Variants in PARP8 observed in about 807,000 individuals in gnomAD.
PARP8 encodes protein mono-ADP-ribosyltransferase PARP8.
In PARP8, 51 loss-of-function variants were observed where a neutral mutation model predicts 124.1. The ratio of observed to expected loss-of-function variants is 0.41; its 90% confidence interval spans 0.33 to 0.52. PARP8 has a LOEUF of 0.52. PARP8 is among the 20% of genes least tolerant of loss of function. The pLI is 0.21. For synonymous variants in PARP8, 391 were observed against 361.5 expected (o/e 1.08, Z -0.93); for missense variants, 860 against 1,018.9 (o/e 0.84, Z 2.12).
chr5:50,817,966 TA>T (rs1258195257), intron 15 of PARP8, among the ~76,000 whole-genome samples: 1 of 152,178 alleles, frequency 6.6e-6, no homozygotes, highest in East Asian at 1.9e-4. Flanking sequence ...TCAAATGTCC[TA>T]ATTTTTCTTG....
At chr5:50,698,824 A>G (rs950121671) in intron 2 of PARP8, among the ~76,000 whole-genome samples, 29 of 152,194 alleles carry the variant, frequency 1.9e-4, no homozygotes, top group African/African-American at 6.8e-4. Context: ...TGTTTAATAA[A>G]CTATGCCAGC....
At position 50,794,767 on chromosome 5, in the gene PARP8, A is replaced by G. The variant is rs901752081; in HGVS notation, c.864-86A>G. 13 of 1,192,520 alleles carry G rather than the reference A, an allele frequency of 1.1e-5. No individual in the cohort carries two copies. The African/African-American group carries it at 2.0e-4, about 18-fold the overall frequency. 73.9% of individuals were successfully genotyped at this position (1,192,520 alleles called of 1,614,324 possible). ...ATGAGGTGGTAGAATATTTATTAGC[A>G]CAGTCGAGTTTGAGCATGACAAGCT... On this transcript the variant is annotated intron_variant, in intron 11 of 25. Transcript: ENST00000281631.
intron 7 of PARP8, among the ~76,000 whole-genome samples, chr5:50,775,126 CAG>C (rs956634044): frequency 1.7e-4 from 26 of 152,074 alleles, no homozygotes; most frequent in African/African-American, 5.3e-4. Context: ...GGCGGCCAGG[CAG>C]AGACACTCCT....
rs1245462050 is a variant in PARP8, at chr5:50,678,875, A to G, written c.146+10750A>G. On this transcript the variant is annotated intron_variant, in intron 2 of 25. Coordinates refer to ENST00000281631, the MANE Select transcript of PARP8 (RefSeq NM_024615.4). ...ACAGAAGTCAGTGTTTGTTATTACTATTCATAGCATTAGCCCAATTCTTGT... is the reference window on the plus strand; with the variant it reads ...ACAGAAGTCAGTGTTTGTTATTACTGTTCATAGCATTAGCCCAATTCTTGT... 2.6e-5 allele frequency among the ~76,000 whole-genome samples: 4 copies of G among 152,290 alleles called. 1 individual carries two copies. In the Middle Eastern group the frequency reaches 0.01, roughly 388 times the overall value.
At position 50,797,231 on chromosome 5, in the gene PARP8, A is replaced by G; in HGVS notation, c.1573A>G (p.Arg525Gly). The change falls in exon 14 of 26, where the codon AGG (arginine) becomes GGG (glycine). Residue 525 changes from arginine (R) to glycine (G), a missense_variant and splice_region_variant. By Grantham distance (125) the Arg-to-Gly change is moderately radical. Around this residue, in one of 2 missense-constraint regions of PARP8, gnomAD observed 343 missense variants for 474.7 expected, o/e 0.72. Transcript: ENST00000281631. ...PHVFQNGPMLRPTVCERELCV... is the reference protein window; with the variant it reads ...PHVFQNGPMLGPTVCERELCV... Reference sequence around the variant, plus strand: ...TGTGTTTCAAAATGGCCCTATGCTTAGGGTAAGTTCTTGCTGATAGAATGT... The same window carrying G: ...TGTGTTTCAAAATGGCCCTATGCTTGGGGTAAGTTCTTGCTGATAGAATGT... The G allele has an allele frequency of 6.3e-7, 1 of 1,599,576 alleles. No homozygotes were observed. Among genetic ancestry groups the G allele is most frequent in the Non-Finnish European group, 8.6e-7 (1 of 1,169,400 alleles).
chr5:50,733,835 T>C (rs1392232524), intron 2 of PARP8, among the ~76,000 whole-genome samples: 1 of 152,216 alleles, frequency 6.6e-6, no homozygotes, highest in Non-Finnish European at 1.5e-5. Context: ...TTCTTACAGA[T>C]CTGGTTCCCC....
intron 3 of PARP8, among the ~76,000 whole-genome samples, chr5:50,756,642 CAAA>C (rs1759992061): frequency 6.6e-6 from 1 of 151,990 alleles, no homozygotes; most frequent in Non-Finnish European, 1.5e-5. Context: ...ATTTAATTGT[CAAA>C]TAAAGCTTGA....
intron 14 of PARP8, among the ~76,000 whole-genome samples, chr5:50,799,933 T>C (rs141443117): frequency 1.1e-3 from 172 of 152,354 alleles, no homozygotes; most frequent in South Asian, 1.0e-3. Context: ...TCTCCTGACA[T>C]CTTTATCTTC....
chr5:50,731,969 A>G (rs1030292501), intron 2 of PARP8, among the ~76,000 whole-genome samples: 2 of 152,174 alleles, frequency 1.3e-5, no homozygotes, highest in African/African-American at 4.8e-5. Flanking sequence ...CGGATATATT[A>G]TTGTTTTTAA....
chr5:50,817,369 A>G (rs113669896), intron 15 of PARP8, among the ~76,000 whole-genome samples: 4 of 152,296 alleles, frequency 2.6e-5, no homozygotes, highest in African/African-American at 9.6e-5. Flanking sequence ...TTCATACTTT[A>G]TTTCTTAAAA....
intron 2 of PARP8, among the ~76,000 whole-genome samples, chr5:50,717,958 T>C (rs186621532): frequency 4.6e-5 from 7 of 151,706 alleles, no homozygotes; most frequent in Non-Finnish European, 1.0e-4. Context: ...AAATGGAAAC[T>C]AAAAAAATGG....
At chr5:50,826,292 T>C (rs1746343305) in intron 18 of PARP8, among the ~76,000 whole-genome samples, 1 of 152,046 alleles carries the variant, frequency 6.6e-6, no homozygotes, top group Non-Finnish European at 1.5e-5. Context: ...ATGTAAACCA[T>C]TGTATATATA....
chr5:50,708,930 T>TG, intron 2 of PARP8, among the ~76,000 whole-genome samples: 1 of 151,432 alleles, frequency 6.6e-6, no homozygotes, highest in East Asian at 2.0e-4. Flanking sequence ...TACAGGCACT[T>TG]GCCACCATGC....
chr5:50,698,958 A>C (rs1473443128), intron 2 of PARP8, among the ~76,000 whole-genome samples: 1 of 152,206 alleles, frequency 6.6e-6, no homozygotes, highest in Non-Finnish European at 1.5e-5. Context: ...CAAAAAAGAA[A>C]AGTTTATTTT....
intron 3 of PARP8, among the ~76,000 whole-genome samples, chr5:50,750,839 CTA>C (rs1446956627): frequency 6.6e-6 from 1 of 152,078 alleles, no homozygotes; most frequent in Non-Finnish European, 1.5e-5. Context: ...TTCATTAAGG[CTA>C]TGCCTATTTT....
rs189191194 is a variant in PARP8 at position 50,719,363 on chromosome 5, A to G, written c.147-30788A>G. 9.9e-5 allele frequency among the ~76,000 whole-genome samples: 15 copies of G among 152,034 alleles called. No homozygotes were observed. The East Asian group carries it at 2.5e-3, about 26-fold the overall frequency. On this transcript the variant is annotated intron_variant, in intron 2 of 25. Transcript: ENST00000281631. Reference sequence around the variant, plus strand: ...CCATTTATTCACTTTTGCTTTGGTTACCTATGCTTTTGATGTCTTACTTAA... The same window carrying G: ...CCATTTATTCACTTTTGCTTTGGTTGCCTATGCTTTTGATGTCTTACTTAA...
chr5:50,747,063 T>A (rs1758617285), intron 2 of PARP8, among the ~76,000 whole-genome samples: 1 of 152,026 alleles, frequency 6.6e-6, no homozygotes, highest in South Asian at 2.1e-4. Flanking sequence ...AAAATTTGCT[T>A]TATGAAATAA....
intron 2 of PARP8, among the ~76,000 whole-genome samples, chr5:50,715,673 T>C (rs1260220656): frequency 6.6e-6 from 1 of 152,058 alleles, no homozygotes; most frequent in African/African-American, 2.4e-5. Context: ...AACAGGTAAA[T>C]ATTGAGAGAA....
intron 2 of PARP8, among the ~76,000 whole-genome samples, chr5:50,694,513 G>T (rs1419076668): frequency 2.0e-5 from 3 of 152,080 alleles, no homozygotes; most frequent in Admixed American, 1.3e-4. Flanking sequence ...TTGTGAAAGG[G>T]TTTCAGCCCT....
Sources: allele counts gnomAD v4.1 joint callset (sites outside exome capture counted in the v4.1 genomes callset), GRCh38; gene constraint gnomAD v4.1.1; regional missense constraint gnomAD v4.1.1; transcripts MANE v1.5; gene names NCBI Gene and HGNC (gene_info 2026-07-23, HGNC 2026-07-21).